Variants in MTUS2 observed in about 807,000 individuals in gnomAD.
MTUS2 encodes the protein microtubule-associated tumor suppressor candidate 2.
Under a neutral mutation model 114.1 loss-of-function variants are expected in MTUS2, and 40 were observed. The observed-to-expected ratio is 0.35, with a 90% CI of 0.27 to 0.46. The LOEUF is 0.46. MTUS2 is among the 20% of genes least tolerant of loss of function. The pLI is 1.00. For missense variants in MTUS2, 1,679 were observed against 1,705.4 expected (o/e 0.98, Z 0.27); for synonymous variants, 688 against 672.0 (o/e 1.02, Z -0.37).
intron 5 of MTUS2, among the ~76,000 whole-genome samples, chr13:29,261,492 A>G (rs1011046662): frequency 1.3e-5 from 2 of 152,226 alleles, no homozygotes; most frequent in Non-Finnish European, 1.5e-5. Context: ...ATAATCCACA[A>G]GTCCCTCAGA....
Position 29,108,525 on chromosome 13 carries a change from C to G in MTUS2, c.2644+7555C>G, listed in dbSNP as rs1250924248. On this transcript the variant is annotated intron_variant, in intron 5 of 15. Coordinates refer to ENST00000612955, the MANE Select transcript of MTUS2 (RefSeq NM_001033602.4). ...GATTAGATTATCTGCTTACCCTTTC[C>G]CGATTCTACATTCTTTCAGCATATT... Among the ~76,000 whole-genome samples the G allele has an allele frequency of 3.3e-5, 5 of 152,132 alleles. No homozygotes were observed. The East Asian group carries it at 7.7e-4, about 23-fold the overall frequency.
At chr13:28,882,254 G>T (rs1331082744) in intron 2 of MTUS2, among the ~76,000 whole-genome samples, 1 of 151,972 alleles carries the variant, frequency 6.6e-6, no homozygotes, top group Non-Finnish European at 1.5e-5. Context: ...GGGCAGGTTG[G>T]CCAGGCTCAT....
At chr13:29,298,589 C>A (rs1353886616) in intron 6 of MTUS2, among the ~76,000 whole-genome samples, 1 of 152,048 alleles carries the variant, frequency 6.6e-6, no homozygotes, top group Non-Finnish European at 1.5e-5. Context: ...TTTTCTCTTT[C>A]TGTGCACATC....
intron 2 of MTUS2, among the ~76,000 whole-genome samples, chr13:28,889,465 ACT>A (rs575845888): frequency 1.7e-3 from 252 of 152,050 alleles, no homozygotes; most frequent in African/African-American, 5.5e-3. Flanking sequence ...TTAGGTAATA[ACT>A]CTCTGTGTCG....
intron 10 of MTUS2, chr13:29,482,486 C>G (rs1246831628): frequency 6.6e-6 from 1 of 152,250 alleles, no homozygotes; most frequent in Non-Finnish European, 1.5e-5. Context: ...GCCCTGCGCT[C>G]TGTTCATGAT....
chr13:29,042,758 G>A (rs1163472008), intron 4 of MTUS2, among the ~76,000 whole-genome samples: 1 of 152,024 alleles, frequency 6.6e-6, no homozygotes, highest in Non-Finnish European at 1.5e-5. Flanking sequence ...GCATGCAAAG[G>A]TGTTCATAGT....
At chr13:29,152,480 G>A (rs1436045267) in intron 5 of MTUS2, among the ~76,000 whole-genome samples, 1 of 152,070 alleles carries the variant, frequency 6.6e-6, no homozygotes, top group Non-Finnish European at 1.5e-5. Flanking sequence ...TTCTGGTGCA[G>A]CTTTGCTGGC....
At chr13:29,289,158 T>A (rs2139568140) in intron 6 of MTUS2, among the ~76,000 whole-genome samples, 1 of 152,324 alleles carries the variant, frequency 6.6e-6, no homozygotes, top group Non-Finnish European at 1.5e-5. Context: ...AATTGAAGCA[T>A]GTGATATAAA....
chr13:29,197,367 A>G (rs1210689754), intron 5 of MTUS2, among the ~76,000 whole-genome samples: 1 of 152,116 alleles, frequency 6.6e-6, no homozygotes, highest in Non-Finnish European at 1.5e-5. Flanking sequence ...GATGGTTTCC[A>G]GCTTCATCCA....
At chr13:29,246,927 A>G (rs953561636) in intron 5 of MTUS2, among the ~76,000 whole-genome samples, 3 of 151,940 alleles carry the variant, frequency 2.0e-5, no homozygotes, top group African/African-American at 7.3e-5. Flanking sequence ...AAAAATTCAT[A>G]TGGAGCCAAA....
chr13:29,127,672 TTCTG>T (rs1319284546), intron 5 of MTUS2, among the ~76,000 whole-genome samples: 1 of 152,216 alleles, frequency 6.6e-6, no homozygotes, highest in Non-Finnish European at 1.5e-5. Context: ...ATTCTGCTGA[TTCTG>T]TCTCTGGACA....
chr13:29,270,355 C>G (rs1264237814), intron 5 of MTUS2, among the ~76,000 whole-genome samples: 1 of 152,148 alleles, frequency 6.6e-6, no homozygotes, highest in African/African-American at 2.4e-5. Flanking sequence ...AGGGAGGTCT[C>G]AGACGCGGTG....
chr13:29,300,178 A>G (rs149516603), intron 6 of MTUS2, among the ~76,000 whole-genome samples: 2,118 of 152,328 alleles, frequency 0.014, 40 homozygotes, highest in African/African-American at 0.048. Context: ...TATGGAAGAC[A>G]TTACAGGACA....
At chr13:29,284,928 G>A (rs1898414812) in intron 6 of MTUS2, among the ~76,000 whole-genome samples, 1 of 152,112 alleles carries the variant, frequency 6.6e-6, no homozygotes, top group South Asian at 2.1e-4. Flanking sequence ...CCCAGTAGAG[G>A]GAGATAGGGA....
At chr13:29,356,138 C>T (rs1349256114) in intron 7 of MTUS2, among the ~76,000 whole-genome samples, 1 of 152,070 alleles carries the variant, frequency 6.6e-6, no homozygotes, top group African/African-American at 2.4e-5. Context: ...GAGGTGATGA[C>T]AAAACACTCC....
intron 2 of MTUS2, among the ~76,000 whole-genome samples, chr13:28,902,162 A>ATT (rs1281283262): frequency 1.3e-5 from 2 of 152,152 alleles, no homozygotes; most frequent in African/African-American, 4.8e-5. Flanking sequence ...CATGATTGAT[A>ATT]TTTACATGTT....
chr13:28,881,965 A>T lies in MTUS2; in HGVS notation c.-243+42115A>T, dbSNP rs537896488. 2.0e-5 allele frequency among the ~76,000 whole-genome samples: 3 copies of T among 152,358 alleles called. No individual in the cohort carries two copies. In the East Asian group the frequency reaches 5.8e-4, roughly 29 times the overall value. Reference sequence around the variant, plus strand: ...ATCAAGGTATTGCAATGGAGAAAGGATAATCTTTTCAACAAATGGTGCTAG... The same window carrying T: ...ATCAAGGTATTGCAATGGAGAAAGGTTAATCTTTTCAACAAATGGTGCTAG... On this transcript the variant is annotated intron_variant, in intron 2 of 15. Transcript: ENST00000612955.
chr13:29,192,399 G>A (rs1894483883), intron 5 of MTUS2, among the ~76,000 whole-genome samples: 1 of 152,104 alleles, frequency 6.6e-6, no homozygotes, highest in East Asian at 1.9e-4. Flanking sequence ...GAGAAGAGTT[G>A]GTGAAAGAGA....
intron 5 of MTUS2, chr13:29,239,807 C>G (rs548183278): frequency 6.6e-6 from 1 of 152,042 alleles, no homozygotes; most frequent in Non-Finnish European, 1.5e-5. Context: ...CTCCCCTGGC[C>G]CAGTAGAGCA....
Sources: gnomAD v4.1 joint callset for allele counts (sites outside exome capture counted in the v4.1 genomes callset) on GRCh38, gnomAD v4.1.1 for gene constraint, MANE v1.5 for transcripts, NCBI Gene and HGNC (gene_info 2026-07-23, HGNC 2026-07-21) for gene names.